CNTNAP2: variants seen among roughly 807,000 people sequenced by gnomAD.
The protein encoded by CNTNAP2 is contactin associated protein 2.
A neutral mutation model predicts 155.2 loss-of-function variants in CNTNAP2; 98 were observed. That is an observed-to-expected ratio of 0.63 (90% CI 0.54 to 0.75). The LOEUF (loss-of-function observed/expected upper bound fraction) is 0.75. CNTNAP2 is among the 30% of genes least tolerant of loss of function. CNTNAP2 has a pLI of 0.00. For synonymous variants in CNTNAP2, 651 were observed against 631.2 expected, an observed-to-expected ratio of 1.03 and a Z score of -0.47; for missense variants, 1,727 against 1,688.1, an observed-to-expected ratio of 1.02 and a Z score of -0.40.
chr7:147,592,733 A>G (rs1273570004), intron 12 of CNTNAP2, among the ~76,000 whole-genome samples: 2 of 152,222 alleles, frequency 1.3e-5, no homozygotes, highest in African/African-American at 4.8e-5. Flanking sequence ...AAAAATGCAT[A>G]ACAAGGCATA....
rs370157523 is a variant in CNTNAP2 at position 146,403,934 on chromosome 7, G to A, written c.97+286961G>A. ...AGGTCAGGAGATCGAGACCATCCCG[G>A]CTAAAACGGCGAAACCCCGTCTCTA... On this transcript the variant is annotated intron_variant, in intron 1 of 23. Coordinates refer to ENST00000361727, the MANE Select transcript of CNTNAP2 (RefSeq NM_014141.6). Among the ~76,000 whole-genome samples, 16 of 151,578 alleles carry A rather than the reference G, an allele frequency of 1.1e-4. 1 individual carries two copies. The highest frequency in any genetic ancestry group is 3.9e-4 in the African/African-American group (16 of 41,208).
At chr7:147,274,740 C>A (rs747651986) in intron 8 of CNTNAP2, among the ~76,000 whole-genome samples, 1 of 151,808 alleles carries the variant, frequency 6.6e-6, no homozygotes, top group Non-Finnish European at 1.5e-5. Flanking sequence ...ATCATAAATT[C>A]TTTCCCTAGA....
At chr7:146,378,163 C>A (rs142781925) in intron 1 of CNTNAP2, among the ~76,000 whole-genome samples, 8 of 152,008 alleles carry the variant, frequency 5.3e-5, no homozygotes, top group African/African-American at 9.7e-5. Context: ...TTATGGAGGG[C>A]AATACAGGAA....
intron 13 of CNTNAP2, among the ~76,000 whole-genome samples, chr7:147,676,646 T>C (rs538817535): frequency 7.9e-5 from 12 of 152,034 alleles, no homozygotes; most frequent in Non-Finnish European, 1.8e-4. Flanking sequence ...TTGACCAATA[T>C]CTTCCCAACC....
Position 146,202,035 on chromosome 7 carries a change from GGTGA to G in CNTNAP2, c.97+85068_97+85071del, listed in dbSNP as rs1461260948. ...CCTTAGGGATGACAATCCTGATGGT[GGTGA>G]GTGAGATTCTCATTTGTATATAAAA... On this transcript the variant is annotated intron_variant, in intron 1 of 23. Transcript: ENST00000361727. Among the ~76,000 whole-genome samples, 5 of 152,026 alleles carry G rather than the reference GGTGA, an allele frequency of 3.3e-5. No individual in the cohort carries two copies. In the East Asian group the frequency reaches 9.6e-4, roughly 29 times the overall value.
intron 11 of CNTNAP2, among the ~76,000 whole-genome samples, chr7:147,486,550 G>C (rs896561031): frequency 1.3e-5 from 2 of 152,004 alleles, no homozygotes; most frequent in Non-Finnish European, 2.9e-5. Context: ...AAAGCCAATA[G>C]ATAAAATACA....
intron 4 of CNTNAP2, among the ~76,000 whole-genome samples, chr7:147,080,490 T>A (rs1476043060): frequency 6.6e-6 from 1 of 151,778 alleles, no homozygotes; most frequent in East Asian, 1.9e-4. Context: ...ATTTTAAAAA[T>A]TCACTTGTTT....
intron 11 of CNTNAP2, among the ~76,000 whole-genome samples, chr7:147,531,901 G>A (rs1009168270): frequency 4.0e-5 from 6 of 151,060 alleles, no homozygotes; most frequent in Admixed American, 1.3e-4. Context: ...TCAACTCCTG[G>A]GTTCACGCCA....
At chr7:147,360,665 A>G (rs958752959) in intron 9 of CNTNAP2, among the ~76,000 whole-genome samples, 2 of 151,954 alleles carry the variant, frequency 1.3e-5, no homozygotes, top group Non-Finnish European at 2.9e-5. Context: ...TACCCTCTGT[A>G]GATGTCACAC....
rs368967675 is a variant in CNTNAP2, at chr7:147,838,367, G to T, written c.2099-65198G>T. On this transcript the variant is annotated intron_variant, in intron 13 of 23. Transcript: ENST00000361727. ...CTCCTCATTACTTATCCAAATCTCTGCAGCCAGCTTGAATATCTCCTCAGA... is the reference window on the plus strand; with the variant it reads ...CTCCTCATTACTTATCCAAATCTCTTCAGCCAGCTTGAATATCTCCTCAGA... Among the ~76,000 whole-genome samples the T allele has an allele frequency of 3.2e-4, 49 of 152,210 alleles. 1 individual carries two copies. The highest frequency in any genetic ancestry group is 1.0e-3 in the African/African-American group (42 of 41,538).
intron 8 of CNTNAP2, among the ~76,000 whole-genome samples, chr7:147,184,185 G>A (rs1222021578): frequency 6.6e-6 from 1 of 152,034 alleles, no homozygotes; most frequent in African/African-American, 2.4e-5. Flanking sequence ...ATACAAATGT[G>A]GGCTGTTCAA....
chr7:147,649,934 T>A (rs936110691), intron 13 of CNTNAP2, among the ~76,000 whole-genome samples: 5 of 151,954 alleles, frequency 3.3e-5, no homozygotes, highest in Non-Finnish European at 7.4e-5. Flanking sequence ...AAGGAGAAAA[T>A]TTTTAAAAAG....
chr7:146,857,963 G>T (rs1381613582), intron 3 of CNTNAP2, among the ~76,000 whole-genome samples: 1 of 152,158 alleles, frequency 6.6e-6, no homozygotes, highest in Non-Finnish European at 1.5e-5. Flanking sequence ...CAGGCATGGA[G>T]AACTCAAAAG....
chr7:147,363,266 G>A lies in CNTNAP2; in HGVS notation c.1499-32343G>A, dbSNP rs573815411. Among the ~76,000 whole-genome samples the A allele has an allele frequency of 7.9e-5, 12 of 152,276 alleles. No individual in the cohort carries two copies. The South Asian group carries it at 1.4e-3, about 18-fold the overall frequency. On this transcript the variant is annotated intron_variant, in intron 9 of 23. Transcript: ENST00000361727. Reference sequence around the variant, plus strand: ...GGTGAGAAGATACTGTCAACAAGCCGGAATGCAGGCCCTCTCCTGACACTG... The same window carrying A: ...GGTGAGAAGATACTGTCAACAAGCCAGAATGCAGGCCCTCTCCTGACACTG...
chr7:146,726,016 T>C (rs760409943), intron 1 of CNTNAP2, among the ~76,000 whole-genome samples: 26 of 152,154 alleles, frequency 1.7e-4, no homozygotes, highest in Non-Finnish European at 2.9e-4. Flanking sequence ...AATGAACCCA[T>C]TGGTCAGTTA....
intron 1 of CNTNAP2, among the ~76,000 whole-genome samples, chr7:146,230,671 G>A (rs1208189385): frequency 6.6e-6 from 1 of 152,136 alleles, no homozygotes; most frequent in Admixed American, 6.5e-5. Context: ...AAATAGACAG[G>A]TCATAGAAAG....
chr7:146,658,307 G>A (rs1011283249), intron 1 of CNTNAP2, among the ~76,000 whole-genome samples: 1 of 151,890 alleles, frequency 6.6e-6, no homozygotes, highest in African/African-American at 2.4e-5. Context: ...TTGAGAGTGT[G>A]GAATTCTGAG....
Position 147,525,252 on chromosome 7 carries a change from T to C in CNTNAP2, c.1778-36886T>C, listed in dbSNP as rs550771380. Among the ~76,000 whole-genome samples the C allele has an allele frequency of 2.6e-5, 4 of 152,364 alleles. 1 individual carries two copies. The South Asian group carries it at 8.3e-4, about 32-fold the overall frequency. On this transcript the variant is annotated intron_variant, in intron 11 of 23. Coordinates refer to ENST00000361727, the MANE Select transcript of CNTNAP2 (RefSeq NM_014141.6). ...TGTCAAAGAAACACAGAGCATATGC[T>C]GTCTTAGGAATTCTAAATGGCAAAT... is the stretch of plus-strand genomic sequence containing the variant.
At chr7:147,760,754 C>T (rs1797286271) in intron 13 of CNTNAP2, among the ~76,000 whole-genome samples, 1 of 152,112 alleles carries the variant, frequency 6.6e-6, no homozygotes, top group South Asian at 2.1e-4. Context: ...AACAAGTTGC[C>T]ATTAAACCTT....
Sources: gnomAD v4.1 joint callset for allele counts (sites outside exome capture counted in the v4.1 genomes callset) on GRCh38, gnomAD v4.1.1 for gene constraint, MANE v1.5 for transcripts, NCBI Gene and HGNC (gene_info 2026-07-23, HGNC 2026-07-21) for gene names.